Variants in LINGO2 observed in about 807,000 individuals in gnomAD.
LINGO2 encodes leucine rich repeat and Ig domain containing 2, also known as leucine-rich repeat and immunoglobulin-like domain-containing nogo receptor-interacting protein 2.
In LINGO2, 14 loss-of-function variants were observed where a neutral mutation model predicts 30.6. The observed-to-expected ratio is 0.46, with a 90% CI of 0.30 to 0.72. The LOEUF (loss-of-function observed/expected upper bound fraction) is 0.72. LINGO2 is among the 30% of genes least tolerant of loss of function. LINGO2 has a pLI of 0.07. For synonymous variants in LINGO2, 317 were observed against 288.5 expected (o/e 1.10, Z -1.00); for missense variants, 729 against 751.7 (o/e 0.97, Z 0.35).
chr9:29,167,460 T>C, the LINGO2 span, among the ~76,000 whole-genome samples: 1 of 152,116 alleles, frequency 6.6e-6, no homozygotes, highest in Non-Finnish European at 1.5e-5. Flanking sequence ...CAAAGTCTTG[T>C]GAGCTTAAGT....
At chr9:28,760,700 T>C in the LINGO2 span, among the ~76,000 whole-genome samples, 1 of 151,788 alleles carries the variant, frequency 6.6e-6, no homozygotes, top group East Asian at 1.9e-4. Flanking sequence ...ATCATTCTTA[T>C]GCCTTTGCCT....
chr9:28,978,357 A>T, the LINGO2 span, among the ~76,000 whole-genome samples: 1 of 152,154 alleles, frequency 6.6e-6, no homozygotes, highest in Non-Finnish European at 1.5e-5. Context: ...CCAATAGTAT[A>T]TTCATGCAGC....
At chr9:29,026,721 A>G in the LINGO2 span, among the ~76,000 whole-genome samples, 1 of 152,158 alleles carries the variant, frequency 6.6e-6, no homozygotes, top group Non-Finnish European at 1.5e-5. Context: ...TTCCATAATC[A>G]GTATGGAATA....
Position 28,637,613 on chromosome 9 carries a change from T to G in LINGO2, c.-365+32587A>C, listed in dbSNP as rs558231119. ...GAATGGGAGTTCACTCATGATTTGG[T>G]TCTCTGTTTATCTGTTATTGGTGTA... On this transcript the variant is annotated intron_variant, in intron 1 of 5. Coordinates refer to ENST00000379992, the Ensembl canonical transcript of LINGO2. 1.1e-4 allele frequency among the ~76,000 whole-genome samples: 16 copies of G among 152,186 alleles called. No individual in the cohort carries two copies. The East Asian group carries it at 2.9e-3, about 28-fold the overall frequency.
At chr9:28,117,593 GT>G (rs1204998306) in intron 4 of LINGO2, among the ~76,000 whole-genome samples, 2 of 110,302 alleles carry the variant, frequency 1.8e-5, no homozygotes, top group Non-Finnish European at 3.7e-5. Context: ...TCTGAGCCAG[GT>G]GTGGGATATA....
chr9:28,856,923 G>A, the LINGO2 span, among the ~76,000 whole-genome samples: 3 of 151,992 alleles, frequency 2.0e-5, no homozygotes, highest in African/African-American at 4.8e-5. Context: ...ATCTAATCAC[G>A]TTTGGTGATG....
intron 2 of LINGO2, among the ~76,000 whole-genome samples, chr9:28,418,573 A>C (rs889143948): frequency 2.0e-5 from 3 of 152,074 alleles, no homozygotes; most frequent in African/African-American, 7.2e-5. Flanking sequence ...CACCGTGCCC[A>C]GACGGCAATT....
At chr9:29,076,404 A>G in the LINGO2 span, among the ~76,000 whole-genome samples, 1 of 151,574 alleles carries the variant, frequency 6.6e-6, no homozygotes, top group East Asian at 1.9e-4. Flanking sequence ...ATAGGAATAA[A>G]CTCTCTTTAC....
At chr9:28,699,042 AAAAAC>A in the LINGO2 span, among the ~76,000 whole-genome samples, 641 of 149,990 alleles carry the variant, frequency 4.3e-3, 4 homozygotes, top group African/African-American at 0.012. Flanking sequence ...ACCCTGCCTC[AAAAAC>A]AAAACAAAAC....
At chr9:28,945,795 T>G in the LINGO2 span, among the ~76,000 whole-genome samples, 1 of 152,182 alleles carries the variant, frequency 6.6e-6, no homozygotes, top group African/African-American at 2.4e-5. Flanking sequence ...TAACGGAACA[T>G]TGTCATACAG....
chr9:28,912,567 A>G, the LINGO2 span, among the ~76,000 whole-genome samples: 1 of 152,088 alleles, frequency 6.6e-6, no homozygotes, highest in African/African-American at 2.4e-5. Flanking sequence ...GTGGAAATCT[A>G]CATCCACTAA....
At chr9:27,955,935 C>CTTTTT (rs532878364) in intron 5 of LINGO2, among the ~76,000 whole-genome samples, 42 of 106,770 alleles carry the variant, frequency 3.9e-4, no homozygotes, top group East Asian at 8.7e-4. Flanking sequence ...TGGATACTGA[C>CTTTTT]TTTTTTTTTT....
intron 2 of LINGO2, among the ~76,000 whole-genome samples, chr9:28,433,966 T>TATATATATATATATATATATACAC (rs752778212): frequency 1.9e-4 from 19 of 100,018 alleles, no homozygotes; most frequent in Admixed American, 3.5e-4. Context: ...TATATATATA[T>TATATATATATATATATATATACAC]ACACACACAC....
chr9:28,121,199 G>C (rs563655776), intron 4 of LINGO2, among the ~76,000 whole-genome samples: 1 of 152,100 alleles, frequency 6.6e-6, no homozygotes, highest in Non-Finnish European at 1.5e-5. Context: ...AAAAATGCTA[G>C]AGAGCAATTG....
intron 4 of LINGO2, among the ~76,000 whole-genome samples, chr9:28,068,014 G>C (rs1017762908): frequency 6.6e-6 from 1 of 152,008 alleles, no homozygotes; most frequent in Non-Finnish European, 1.5e-5. Context: ...ACAAAGTTGT[G>C]GCATAGTGCT....
At chr9:28,318,716 C>A (rs891939680) in intron 3 of LINGO2, among the ~76,000 whole-genome samples, 11 of 152,072 alleles carry the variant, frequency 7.2e-5, no homozygotes, top group Admixed American at 2.0e-4. Flanking sequence ...GTAAGTATGT[C>A]CCACAAAAGA....
intron 1 of LINGO2, among the ~76,000 whole-genome samples, chr9:28,502,301 C>T (rs1819925234): frequency 6.6e-6 from 1 of 152,072 alleles, no homozygotes; most frequent in African/African-American, 2.4e-5. Context: ...TGTTTATGTG[C>T]TACTCCTTAA....
the LINGO2 span, among the ~76,000 whole-genome samples, chr9:28,779,634 C>T: frequency 1.3e-5 from 2 of 152,120 alleles, no homozygotes; most frequent in Non-Finnish European, 2.9e-5. Context: ...TACAATATCA[C>T]CTGTCAAAGT....
At chr9:28,533,685 G>C (rs937200559) in intron 1 of LINGO2, among the ~76,000 whole-genome samples, 3 of 152,264 alleles carry the variant, frequency 2.0e-5, no homozygotes, top group Middle Eastern at 6.8e-3. Context: ...TGAAGAGGCT[G>C]TGTTGAGAAT....
Sources: gnomAD v4.1 joint callset for allele counts (sites outside exome capture counted in the v4.1 genomes callset) on GRCh38, gnomAD v4.1.1 for gene constraint, MANE v1.5 for transcripts, NCBI Gene and HGNC (gene_info 2026-07-23, HGNC 2026-07-21) for gene names.